ZFP62: variants seen among roughly 807,000 people sequenced by gnomAD.
The protein encoded by ZFP62 is zinc finger protein 62 homolog.
In ZFP62, 44 loss-of-function variants were observed where a neutral mutation model predicts 56.4. The ratio of observed to expected loss-of-function variants is 0.78; its 90% CI spans 0.61 to 1.00. The LOEUF is 1.00. Among genes scored for constraint, ZFP62 ranks in the 50% least tolerant of loss-of-function variants. The pLI is 0.00. For synonymous variants in ZFP62, 421 were observed against 388.9 expected (o/e 1.08, Z -0.97); for missense variants, 1,030 against 1,085.7 (o/e 0.95, Z 0.72).
At chr5:180,851,578 C>A (rs1044274114) in intron 1 of ZFP62, 85 bp from the exon 2 acceptor site, 21 of 1,384,854 alleles carry the variant, frequency 1.5e-5, no homozygotes, top group Non-Finnish European at 1.9e-5. Context: ...ACAACATTCA[C>A]TTGACAAACA....
chr5:180,859,756 A>G (rs2619754), intron 1 of ZFP62, among the ~76,000 whole-genome samples: 104,246 of 152,140 alleles, frequency 0.69, 37,683 homozygotes, highest in East Asian at 0.96. Flanking sequence ...AGAAGGGAAG[A>G]ACTACTTACG....
chr5:180,848,408 T>C lies in ZFP62; in HGVS notation c.*384A>G. ...TTGGGATTCAAAGCTATACCTGAAT[T>C]TCCTACATTTCTAGTAACAGAATTT... On this transcript the variant is annotated 3_prime_UTR_variant, in exon 2 of 2. Transcript: ENST00000502412. The C allele has an allele frequency of 1.0e-5, 10 of 999,250 alleles. No individual in the cohort carries two copies. The highest frequency in any genetic ancestry group is 1.2e-5 in the Non-Finnish European group (10 of 838,982). The allele number at this position is 999,250 out of a possible 1,614,324, so 61.9% of individuals were successfully genotyped here.
Position 180,849,031 on chromosome 5 carries a change from T to C in ZFP62, c.2464A>G (p.Asn822Asp). ...TGCTGGTCAAGGACTGATCTATAAT[T>C]GAAGGATTTCCCACACTCACAATTA... The part of the protein sequence containing the change: ...PYNCECGKSF[N>D]YRSVLDQHKR... The change falls in exon 2 of 2, where the codon AAT becomes GAT. Residue 822 changes from asparagine (N) to aspartate (D), a missense_variant. Coordinates refer to ENST00000502412, the MANE Select transcript of ZFP62 (RefSeq NM_001172638.2). 1.3e-6 allele frequency: 2 copies of C among 1,552,168 alleles called. No individual in the cohort carries two copies. Among genetic ancestry groups the C allele is most frequent in the Non-Finnish European group, 1.7e-6 (2 of 1,147,084 alleles).
Position 180,850,237 on chromosome 5 carries a change from C to A in ZFP62, c.1258G>T (p.Ala420Ser). 2 of 1,553,806 alleles carry A rather than the reference C, an allele frequency of 1.3e-6. No individual in the cohort carries two copies. Among genetic ancestry groups the A allele is most frequent in the Non-Finnish European group, 1.7e-6 (2 of 1,148,330 alleles). ...TTCCCACACTCCTTACATTCATGGG[C>A]TTTCTTCCCAGGGTGAATGCTTTTA... Reference protein sequence around the residue: ...VHKSIHPGKKAHECKECGKSF... With the variant: ...VHKSIHPGKKSHECKECGKSF... Residue 420 changes from alanine (A) to serine (S), a missense_variant, in exon 2 of 2, where the codon GCC becomes TCC. Ala to Ser is a moderately conservative substitution (Grantham distance 99). Coordinates refer to ENST00000502412, the MANE Select transcript of ZFP62 (RefSeq NM_001172638.2).
At chr5:180,858,619 A>G (rs1299972645) in intron 1 of ZFP62, among the ~76,000 whole-genome samples, 2 of 152,142 alleles carry the variant, frequency 1.3e-5, no homozygotes, top group Non-Finnish European at 2.9e-5. Flanking sequence ...AAAAAAAAGA[A>G]AGATCACTCA....
At chr5:180,844,685 C>G (rs985774709), downstream of ZFP62, among the ~76,000 whole-genome samples, 4 of 152,118 alleles carry the variant, frequency 2.6e-5, no homozygotes, top group Admixed American at 1.3e-4. Flanking sequence ...TTTTGCAGCC[C>G]GACAAAGACA....
chr5:180,859,629 A>T (rs1774200983), intron 1 of ZFP62, among the ~76,000 whole-genome samples: 1 of 152,208 alleles, frequency 6.6e-6, no homozygotes, highest in South Asian at 2.1e-4. Context: ...AGGTGAGCAA[A>T]GGCGATACTA....
At chr5:180,846,512 C>T (rs923693603), downstream of ZFP62, among the ~76,000 whole-genome samples, 1 of 152,164 alleles carries the variant, frequency 6.6e-6, no homozygotes, top group Non-Finnish European at 1.5e-5. Context: ...TCCATGGCAC[C>T]CTCCTTCCTG....
chr5:180,851,718 A>T (rs1773723212), intron 1 of ZFP62, among the ~76,000 whole-genome samples: 2 of 152,162 alleles, frequency 1.3e-5, no homozygotes, highest in Non-Finnish European at 2.9e-5. Flanking sequence ...AGAACCCTGG[A>T]TTTTCAATGG....
In ZFP62 at chr5:180,850,868, G is replaced by A. The variant is rs375956383; in HGVS notation, c.627C>T (p.Tyr209=). 6.4e-7 allele frequency: 1 copy of A among 1,563,884 alleles called. No individual in the cohort carries two copies. The highest frequency in any genetic ancestry group is 8.7e-7 in the Non-Finnish European group (1 of 1,154,370). ...TGCTTTTGTGGTTTATAAGGCTGGA[G>A]TAGGACATGTAGGCTTTCCCACATT... The part of the protein sequence containing the change: ...CEECGKAYMS[Y]SSLINHKSTH... Residue 209 remains tyrosine (Y), a synonymous_variant, in exon 2 of 2, where the codon TAC becomes TAT. Transcript: ENST00000502412.
At position 180,857,743 on chromosome 5, in the gene ZFP62, C is replaced by T. The variant is rs564442751; in HGVS notation, c.1+3476G>A. On this transcript the variant is annotated intron_variant, in intron 1 of 1. Transcript: ENST00000502412. ...AACGCCTGACCTCAGGGGATCCACC[C>T]GTCTCAGCCTCCCAAAGTGCTGGGA... 4.6e-5 allele frequency among the ~76,000 whole-genome samples: 7 copies of T among 151,538 alleles called. No homozygotes were observed. In the East Asian group the frequency reaches 1.2e-3, roughly 25 times the overall value.
intron 1 of ZFP62, among the ~76,000 whole-genome samples, chr5:180,856,583 T>G (rs1773985462): frequency 6.6e-6 from 1 of 152,054 alleles, no homozygotes; most frequent in Non-Finnish European, 1.5e-5. Flanking sequence ...TCCAAAGACA[T>G]GGATATGACA....
chr5:180,853,792 C>A (rs1773835516), intron 1 of ZFP62, among the ~76,000 whole-genome samples: 1 of 152,090 alleles, frequency 6.6e-6, no homozygotes. Flanking sequence ...GAGGTATGAA[C>A]AAAGCGATTC....
At chr5:180,830,198 G>T in the ZFP62 span, 2 of 152,226 alleles carry the variant, frequency 1.3e-5, no homozygotes, top group African/African-American at 4.8e-5. Flanking sequence ...CGATCAACTG[G>T]TCTCTCCATC....
rs372161356 is a variant in ZFP62, at chr5:180,855,959, C to T, written c.2-4466G>A. Among the ~76,000 whole-genome samples the T allele has an allele frequency of 7.2e-5, 11 of 152,340 alleles. No individual in the cohort carries two copies. In the East Asian group the frequency reaches 1.5e-3, roughly 21 times the overall value. On this transcript the variant is annotated intron_variant, in intron 1 of 1. Coordinates refer to ENST00000502412, the MANE Select transcript of ZFP62 (RefSeq NM_001172638.2). ...GGCACCTAAAGCCTTCTGCACCAGCCGCCTGTGCAACTGTCAACCCTCACT... is the reference window on the plus strand; with the variant it reads ...GGCACCTAAAGCCTTCTGCACCAGCTGCCTGTGCAACTGTCAACCCTCACT...
the ZFP62 span, among the ~76,000 whole-genome samples, chr5:180,837,632 T>C: frequency 6.6e-6 from 1 of 152,330 alleles, no homozygotes; most frequent in Non-Finnish European, 1.5e-5. Context: ...GTATGTTAAT[T>C]CGGAGGCTCT....
In ZFP62 at chr5:180,849,582, A is replaced by T; in HGVS notation, c.1913T>A (p.Val638Asp). The change falls in exon 2 of 2, where the codon GTC (valine) becomes GAC (aspartate). Residue 638 changes from valine (V) to aspartate (D), a missense_variant. Val to Asp is a radical substitution (Grantham distance 152, BLOSUM62 -3). Coordinates refer to ENST00000502412, the MANE Select transcript of ZFP62 (RefSeq NM_001172638.2). ...TTCATAGGGTTTCTCTCTAGTGTGGACCCTTCTGTGCTGAGAAAGGAGCGA... is the reference window on the plus strand; with the variant it reads ...TTCATAGGGTTTCTCTCTAGTGTGGTCCCTTCTGTGCTGAGAAAGGAGCGA... ...YTSLLSQHRR[V>D]HTREKPYECD... 6.4e-7 allele frequency: 1 copy of T among 1,551,870 alleles called. No homozygotes were observed. Among genetic ancestry groups the T allele is most frequent in the Admixed American group, 2.0e-5 (1 of 50,966 alleles).
intron 1 of ZFP62, among the ~76,000 whole-genome samples, chr5:180,853,155 T>C (rs967064061): frequency 1.1e-4 from 17 of 152,218 alleles, no homozygotes; most frequent in African/African-American, 4.1e-4. Flanking sequence ...TAATTGTAAC[T>C]GCAAAATCTG....
chr5:180,829,796 C>A, the ZFP62 span, among the ~76,000 whole-genome samples: 1 of 152,094 alleles, frequency 6.6e-6, no homozygotes, highest in Non-Finnish European at 1.5e-5. Context: ...CTGAAAGCCC[C>A]GGCCATAGTC....
Sources: gnomAD v4.1 joint callset for allele counts (sites outside exome capture counted in the v4.1 genomes callset) on GRCh38, gnomAD v4.1.1 for gene constraint, MANE v1.5 for transcripts, NCBI Gene and HGNC (gene_info 2026-07-23, HGNC 2026-07-21) for gene names.